Variants in NRG1 observed in about 807,000 individuals in gnomAD.
The protein encoded by NRG1 is neuregulin 1.
In NRG1, 18 loss-of-function variants were observed where a neutral mutation model predicts 63.8. That is an observed-to-expected ratio of 0.28 (90% CI 0.19 to 0.42). The LOEUF (loss-of-function observed/expected upper bound fraction) is 0.42. NRG1 is among the 10% of genes least tolerant of loss of function. NRG1 has a pLI of 1.00. For synonymous variants in NRG1, 302 were observed against 301.3 expected (o/e 1.00, Z -0.02); for missense variants, 762 against 814.7 (o/e 0.94, Z 0.79).
chr8:32,420,056 C>T (rs891085193), intron 1 of NRG1, among the ~76,000 whole-genome samples: 1 of 152,136 alleles, frequency 6.6e-6, no homozygotes, highest in Admixed American at 6.5e-5. Flanking sequence ...GAAGGCAATC[C>T]TCTTATGAGG....
At chr8:32,411,832 AGCC>A (rs1563427143) in intron 1 of NRG1, among the ~76,000 whole-genome samples, 1 of 152,228 alleles carries the variant, frequency 6.6e-6, no homozygotes, top group Non-Finnish European at 1.5e-5. Context: ...TCTTTGATCT[AGCC>A]ATCTTATTCT....
intron 1 of NRG1, among the ~76,000 whole-genome samples, chr8:31,650,500 G>C (rs1278623377): frequency 1.3e-5 from 2 of 151,976 alleles, no homozygotes; most frequent in Non-Finnish European, 2.9e-5. Context: ...CCTCTGCCTC[G>C]ATCTTCTTCC....
chr8:31,946,252 T>A (rs192972745), intron 1 of NRG1, among the ~76,000 whole-genome samples: 1 of 152,348 alleles, frequency 6.6e-6, no homozygotes, highest in East Asian at 1.9e-4. Context: ...TATGTAACAA[T>A]GTGTGTGCCC....
At chr8:31,932,859 C>T (rs912872723) in intron 1 of NRG1, among the ~76,000 whole-genome samples, 1 of 152,142 alleles carries the variant, frequency 6.6e-6, no homozygotes, top group African/African-American at 2.4e-5. Flanking sequence ...TGCCCACTTG[C>T]ATATAATTCC....
chr8:31,942,630 A>T (rs542139535), intron 1 of NRG1, among the ~76,000 whole-genome samples: 1 of 152,316 alleles, frequency 6.6e-6, no homozygotes, highest in Admixed American at 6.5e-5. Context: ...AATCTTCACA[A>T]TCTATACATC....
chr8:31,721,250 A>C (rs1196292879), intron 1 of NRG1, among the ~76,000 whole-genome samples: 1 of 152,142 alleles, frequency 6.6e-6, no homozygotes, highest in Non-Finnish European at 1.5e-5. Flanking sequence ...AAATGTGTTT[A>C]TTATGCCCCA....
At chr8:32,151,117 T>TA (rs1317934948) in intron 1 of NRG1, among the ~76,000 whole-genome samples, 1 of 152,060 alleles carries the variant, frequency 6.6e-6, no homozygotes, top group East Asian at 1.9e-4. Context: ...AGACAGCTGG[T>TA]AAAAAATAAA....
intron 1 of NRG1, among the ~76,000 whole-genome samples, chr8:31,887,012 G>A (rs1478143998): frequency 6.6e-6 from 1 of 151,940 alleles, no homozygotes; most frequent in Admixed American, 6.6e-5. Context: ...TGCTATCACG[G>A]TAATTACTCA....
At chr8:32,231,853 C>A (rs1376063960) in intron 1 of NRG1, among the ~76,000 whole-genome samples, 1 of 149,420 alleles carries the variant, frequency 6.7e-6, no homozygotes, top group Non-Finnish European at 1.5e-5. Flanking sequence ...CGAGATCATA[C>A]CACTGCCCTC....
chr8:32,299,387 T>C (rs1049863339), intron 1 of NRG1, among the ~76,000 whole-genome samples: 2 of 152,202 alleles, frequency 1.3e-5, no homozygotes, highest in Non-Finnish European at 2.9e-5. Context: ...TAAGATTTTA[T>C]ATCTGTTTGC....
At chr8:32,267,136 AGAAG>A (rs1461015086) in intron 1 of NRG1, among the ~76,000 whole-genome samples, 14 of 150,078 alleles carry the variant, frequency 9.3e-5, no homozygotes, top group Admixed American at 8.7e-4. Flanking sequence ...GGAAGGAGAA[AGAAG>A]GAAGGAAGGA....
chr8:32,369,727 T>C (rs1808560891), intron 1 of NRG1, among the ~76,000 whole-genome samples: 1 of 152,210 alleles, frequency 6.6e-6, no homozygotes, highest in African/African-American at 2.4e-5. Flanking sequence ...TGATTAATAG[T>C]AGTGGCATTG....
intron 1 of NRG1, among the ~76,000 whole-genome samples, chr8:32,097,439 A>C (rs948143541): frequency 3.7e-4 from 57 of 152,146 alleles, no homozygotes; most frequent in Non-Finnish European, 7.5e-4. Context: ...CTTAATGGCT[A>C]TGCAAATTTC....
chr8:32,551,471 C>T (rs1175477187), intron 1 of NRG1, among the ~76,000 whole-genome samples: 7 of 152,150 alleles, frequency 4.6e-5, no homozygotes, highest in Admixed American at 1.3e-4. Context: ...CACTCAGCCC[C>T]GCTGTGTGCT....
chr8:32,485,986 G>T (rs1363611345), intron 1 of NRG1, among the ~76,000 whole-genome samples: 2 of 151,926 alleles, frequency 1.3e-5, no homozygotes, highest in African/African-American at 2.4e-5. Context: ...GGAGTGCAAT[G>T]GAGTGATCTC....
chr8:31,907,973 C>T (rs1038342211), intron 1 of NRG1, among the ~76,000 whole-genome samples: 1 of 152,068 alleles, frequency 6.6e-6, no homozygotes, highest in East Asian at 1.9e-4. Context: ...ATTGAAGAAG[C>T]TTTAGGGAGT....
intron 1 of NRG1, among the ~76,000 whole-genome samples, chr8:32,592,697 T>C (rs1842728708): frequency 6.6e-6 from 1 of 152,086 alleles, no homozygotes; most frequent in Admixed American, 6.6e-5. Flanking sequence ...AAACAAAGTC[T>C]CCATAGATTT....
intron 1 of NRG1, among the ~76,000 whole-genome samples, chr8:31,970,520 C>G (rs1219715272): frequency 6.6e-6 from 1 of 152,116 alleles, no homozygotes; most frequent in Non-Finnish European, 1.5e-5. Context: ...TCTCAGGTGT[C>G]TACAATAGGT....
chr8:32,197,104 C>T lies in NRG1; in HGVS notation c.38-398724C>T, dbSNP rs547025759. Among the ~76,000 whole-genome samples, 31 of 151,350 alleles carry T rather than the reference C, an allele frequency of 2.0e-4. No homozygotes were observed. The South Asian group carries it at 2.5e-3, about 12-fold the overall frequency. ...CCTCCTGAGTAGCTGGAATTACAGGCGCCCACCACTAACCCCATCTAATTT... is the reference window on the plus strand; with the variant it reads ...CCTCCTGAGTAGCTGGAATTACAGGTGCCCACCACTAACCCCATCTAATTT... On this transcript the variant is annotated intron_variant, in intron 1 of 10. Transcript: ENST00000519301.
Sources: gnomAD v4.1 joint callset for allele counts (sites outside exome capture counted in the v4.1 genomes callset) on GRCh38, gnomAD v4.1.1 for gene constraint, MANE v1.5 for transcripts, NCBI Gene and HGNC (gene_info 2026-07-23, HGNC 2026-07-21) for gene names.